ZNF609: variants seen among roughly 807,000 people sequenced by gnomAD.
ZNF609 encodes the protein zinc finger protein 609.
In ZNF609, 11 loss-of-function variants were observed where a neutral mutation model predicts 109.5. The ratio of observed to expected loss-of-function variants is 0.10; its 90% CI spans 0.06 to 0.17. ZNF609 has a LOEUF of 0.17. Among genes scored for constraint, ZNF609 ranks in the 10% least tolerant of loss-of-function variants. The pLI, the probability that ZNF609 is intolerant of heterozygous loss-of-function variation, is 1.00. For synonymous variants in ZNF609, 646 were observed against 662.0 expected (o/e 0.98, Z 0.37); for missense variants, 1,559 against 1,772.4 (o/e 0.88, Z 2.16).
At chr15:64,556,207 GCTGGTCTCAAACTC>G (rs1894583784) in intron 2 of ZNF609, among the ~76,000 whole-genome samples, 1 of 151,740 alleles carries the variant, frequency 6.6e-6, no homozygotes, top group African/African-American at 2.4e-5. Context: ...TGTTGCTCAG[GCTGGTCTCAAACTC>G]CTGGGCTCAA....
chr15:64,485,930 C>T (rs1893326275), intron 1 of ZNF609, among the ~76,000 whole-genome samples: 1 of 152,158 alleles, frequency 6.6e-6, no homozygotes, highest in African/African-American at 2.4e-5. Context: ...CAGACCTCCC[C>T]ATTTTACTCA....
intron 2 of ZNF609, among the ~76,000 whole-genome samples, chr15:64,533,419 G>C (rs1056659456): frequency 9.9e-5 from 15 of 152,136 alleles, no homozygotes; most frequent in African/African-American, 3.4e-4. Context: ...ACATCATCTG[G>C]TACTGCCAGT....
intron 2 of ZNF609, among the ~76,000 whole-genome samples, chr15:64,537,081 G>C (rs559318918): frequency 2.2e-4 from 34 of 151,966 alleles, no homozygotes; most frequent in African/African-American, 8.0e-4. Context: ...AAATTAGCCA[G>C]GTGTGGTGGT....
chr15:64,607,392 C>G (rs577360942), intron 2 of ZNF609, among the ~76,000 whole-genome samples: 1 of 152,058 alleles, frequency 6.6e-6, no homozygotes, highest in South Asian at 2.1e-4. Context: ...AAACATTTCA[C>G]CAACAGATTG....
At chr15:64,650,439 A>G (rs1170623398) in intron 3 of ZNF609, among the ~76,000 whole-genome samples, 1 of 150,734 alleles carries the variant, frequency 6.6e-6, no homozygotes, top group Non-Finnish European at 1.5e-5. Context: ...AAAAATTGTA[A>G]AAAAAATAGG....
At chr15:64,478,377 CT>C (rs1161076966) in intron 1 of ZNF609, among the ~76,000 whole-genome samples, 11 of 146,798 alleles carry the variant, frequency 7.5e-5, no homozygotes, top group Non-Finnish European at 7.6e-5. Flanking sequence ...AATAAATGAA[CT>C]TTTTTTTTTT....
intron 2 of ZNF609, among the ~76,000 whole-genome samples, chr15:64,587,987 G>T (rs1372592158): frequency 6.6e-6 from 1 of 151,538 alleles, no homozygotes; most frequent in Non-Finnish European, 1.5e-5. Flanking sequence ...TGATCTGCCC[G>T]CCTCAGCCTC....
intron 2 of ZNF609, among the ~76,000 whole-genome samples, chr15:64,563,575 C>T (rs570618069): frequency 2.0e-5 from 3 of 151,794 alleles, no homozygotes; most frequent in South Asian, 4.2e-4. Context: ...GTCGGGAGTT[C>T]GAGGCCAGCC....
At chr15:64,557,388 A>G (rs920865713) in intron 2 of ZNF609, among the ~76,000 whole-genome samples, 8 of 152,252 alleles carry the variant, frequency 5.3e-5, no homozygotes, top group African/African-American at 7.2e-5. Flanking sequence ...GAAACTGTGC[A>G]GATGTAATAA....
chr15:64,537,726 C>T lies in ZNF609; in HGVS notation c.747+37560C>T, dbSNP rs1894178703. On this transcript the variant is annotated intron_variant, in intron 2 of 9. Transcript: ENST00000326648. The stretch of plus-strand genomic sequence containing the variant: ...CATAGAAAGAAGAAGTGTTTATATA[C>T]TGTGGCCCTTTGGCAGAACACAAAC... Among the ~76,000 whole-genome samples the T allele has an allele frequency of 2.6e-5, 4 of 152,290 alleles. 1 individual carries two copies. The South Asian group carries it at 8.3e-4, about 32-fold the overall frequency.
At chr15:64,517,140 C>A (rs1164955594) in intron 2 of ZNF609, among the ~76,000 whole-genome samples, 1 of 152,142 alleles carries the variant, frequency 6.6e-6, no homozygotes, top group African/African-American at 2.4e-5. Flanking sequence ...CTTTGGGAGG[C>A]CAAAGCACGT....
chr15:64,664,222 T>G (rs1896616614), intron 3 of ZNF609, among the ~76,000 whole-genome samples: 3 of 152,074 alleles, frequency 2.0e-5, no homozygotes. Context: ...AGTGAGTCTC[T>G]GTCTCAAAAA....
At chr15:64,585,158 C>A (rs1040930619) in intron 2 of ZNF609, among the ~76,000 whole-genome samples, 1 of 151,708 alleles carries the variant, frequency 6.6e-6, no homozygotes, top group Non-Finnish European at 1.5e-5. Flanking sequence ...AAACTTGTCT[C>A]TACTAAAAAT....
intron 3 of ZNF609, among the ~76,000 whole-genome samples, chr15:64,625,498 C>A (rs937926236): frequency 6.6e-6 from 1 of 151,884 alleles, no homozygotes; most frequent in Non-Finnish European, 1.5e-5. Flanking sequence ...CTGGCCCAGG[C>A]AACAGAGCAA....
Position 64,525,364 on chromosome 15 carries a change from A to G in ZNF609, c.747+25198A>G, listed in dbSNP as rs1198367108. ...TTACCCCACATTGAATTTTCTTGAC[A>G]CCCTTGTTGAAAATTAATTGACCAT... On this transcript the variant is annotated intron_variant, in intron 2 of 9. Transcript: ENST00000326648. Among the ~76,000 whole-genome samples, 3 of 152,106 alleles carry G rather than the reference A, an allele frequency of 2.0e-5. No homozygotes were observed. In the South Asian group the frequency reaches 6.2e-4, roughly 32 times the overall value.
chr15:64,467,268 G>A (rs1311815128), intron 1 of ZNF609, among the ~76,000 whole-genome samples: 2 of 152,108 alleles, frequency 1.3e-5, no homozygotes, highest in Non-Finnish European at 2.9e-5. Context: ...GTGTTCTCTG[G>A]TCATTAGTGT....
At chr15:64,464,357 C>T (rs1284174456) in intron 1 of ZNF609, among the ~76,000 whole-genome samples, 3 of 152,316 alleles carry the variant, frequency 2.0e-5, no homozygotes, top group African/African-American at 7.2e-5. Context: ...CACTCTGCTT[C>T]CTCTTTGTAG....
rs752869834 is a variant in ZNF609 at position 64,680,310 on chromosome 15, C to G, written c.3895C>G (p.Leu1299Val). 1.2e-6 allele frequency: 2 copies of G among 1,614,162 alleles called. No homozygotes were observed. The highest frequency in any genetic ancestry group is 1.7e-6 in the Non-Finnish European group (2 of 1,180,026). Residue 1299 changes from leucine to valine, a missense_variant, in exon 7 of 10, where the codon CTG becomes GTG. By Grantham distance (32) the Leu-to-Val change is conservative (BLOSUM62 1). Transcript: ENST00000326648. ...TAAATCCAGCTCAGAGTCCAAAGCC[C>G]TGGACATCTTGCAGCAGCATGCCAG... Reference protein sequence around the residue: ...TCKSSSESKALDILQQHASHY... With the variant: ...TCKSSSESKAVDILQQHASHY...
At chr15:64,620,016 A>C (rs992548247) in intron 2 of ZNF609, among the ~76,000 whole-genome samples, 8 of 152,156 alleles carry the variant, frequency 5.3e-5, no homozygotes, top group African/African-American at 1.9e-4. Context: ...GGCTGAGAGA[A>C]AGTGTATAGG....
Sources: gnomAD v4.1 joint callset for allele counts (sites outside exome capture counted in the v4.1 genomes callset) on GRCh38, gnomAD v4.1.1 for gene constraint, MANE v1.5 for transcripts, NCBI Gene and HGNC (gene_info 2026-07-23, HGNC 2026-07-21) for gene names.